The following KLHL22 variants were observed in gnomAD, a reference collection of about 807,000 sequenced individuals.
KLHL22 encodes the protein kelch like family member 22, also known as kelch-like protein 22.
Under a neutral mutation model 60.7 loss-of-function variants are expected in KLHL22, and 18 were observed. The ratio of observed to expected loss-of-function variants is 0.30; its 90% confidence interval spans 0.20 to 0.44. KLHL22 has a LOEUF of 0.44. Among genes scored for constraint, KLHL22 ranks in the 20% least tolerant of loss-of-function variants. The pLI, the probability that KLHL22 is intolerant of heterozygous loss-of-function variation, is 1.00. For missense variants in KLHL22, 596 were observed against 852.3 expected (o/e 0.70, Z 3.74); for synonymous variants, 355 against 354.5 (o/e 1.00, Z -0.01).
chr22:20,442,068 G>A lies in KLHL22; in HGVS notation c.*5C>T. 2 of 1,490,968 alleles carry A rather than the reference G, an allele frequency of 1.3e-6. No individual in the cohort carries two copies. The highest frequency in any genetic ancestry group is 1.8e-4 in the Middle Eastern group (1 of 5,498). 92.4% of individuals were successfully genotyped at this position (1,490,968 alleles called of 1,614,324 possible). The stretch of plus-strand genomic sequence containing the variant: ...CCCTTCCCTCTGATGCCAGGCACAG[G>A]GAGCCTAGTCCTCACTGGAGTTGTC... On this transcript the variant is annotated 3_prime_UTR_variant, in exon 7 of 7. Transcript: ENST00000328879.
At chr22:20,449,136 C>G (rs918355844) in intron 5 of KLHL22, among the ~76,000 whole-genome samples, 5 of 152,000 alleles carry the variant, frequency 3.3e-5, no homozygotes, top group Non-Finnish European at 7.4e-5. Flanking sequence ...TCTCAGCTCA[C>G]TGCACCCTCT....
At chr22:20,462,910 A>G (rs2053178595) in intron 4 of KLHL22, among the ~76,000 whole-genome samples, 2 of 152,354 alleles carry the variant, frequency 1.3e-5, no homozygotes, top group African/African-American at 4.8e-5. Context: ...GCTTTAAGAT[A>G]TAACCTGGTA....
At chr22:20,468,921 G>T (rs568747730) in intron 3 of KLHL22, among the ~76,000 whole-genome samples, 6 of 152,250 alleles carry the variant, frequency 3.9e-5, no homozygotes, top group African/African-American at 1.4e-4. Context: ...CTCCAAAAGT[G>T]CTGGGATTAC....
At chr22:20,483,869 A>G (rs2053544439) in intron 2 of KLHL22, 2 of 711,984 alleles carry the variant, frequency 2.8e-6, no homozygotes, top group Non-Finnish European at 5.1e-6. Context: ...TCTCCTTCTC[A>G]TTCTGGATGC....
At chr22:20,462,389 C>G (rs7285244) in intron 4 of KLHL22, among the ~76,000 whole-genome samples, 1,656 of 152,078 alleles carry the variant, frequency 0.011, 36 homozygotes, top group African/African-American at 0.037. Flanking sequence ...GGGTCTCACT[C>G]TGTTGCCCAG....
At chr22:20,468,949 C>A (rs1235479847) in intron 3 of KLHL22, among the ~76,000 whole-genome samples, 1 of 152,166 alleles carries the variant, frequency 6.6e-6, no homozygotes, top group Non-Finnish European at 1.5e-5. Context: ...AACCTCCAAG[C>A]CTGGCCCAGA....
chr22:20,449,352 G>GC (rs1424177753), intron 5 of KLHL22, among the ~76,000 whole-genome samples: 2 of 149,000 alleles, frequency 1.3e-5, no homozygotes. Flanking sequence ...GAGCCACCGT[G>GC]CCCGGCTTCT....
chr22:20,448,225 C>T (rs1000709606), intron 5 of KLHL22, among the ~76,000 whole-genome samples: 1 of 152,224 alleles, frequency 6.6e-6, no homozygotes, highest in Non-Finnish European at 1.5e-5. Context: ...GTTGCATGTA[C>T]AGGTTGAGTA....
At chr22:20,454,458 A>G (rs2146190931) in intron 5 of KLHL22, among the ~76,000 whole-genome samples, 1 of 152,368 alleles carries the variant, frequency 6.6e-6, no homozygotes, top group African/African-American at 2.4e-5. Context: ...CACAGTTTAT[A>G]AAGCATGAAT....
At chr22:20,486,964 A>G (rs1281539663) in intron 2 of KLHL22, among the ~76,000 whole-genome samples, 1 of 149,596 alleles carries the variant, frequency 6.7e-6, no homozygotes, top group Non-Finnish European at 1.5e-5. Flanking sequence ...TATAGGAGTG[A>G]GCCACCAAGC....
intron 3 of KLHL22, among the ~76,000 whole-genome samples, chr22:20,468,933 G>A (rs1296261513): frequency 6.6e-6 from 1 of 152,162 alleles, no homozygotes; most frequent in African/African-American, 2.4e-5. Flanking sequence ...TGGGATTACA[G>A]GCATGAACCT....
chr22:20,465,600 C>T lies in KLHL22; in HGVS notation c.394-24G>A, dbSNP rs1331364169. 1.7e-6 allele frequency: 2 copies of T among 1,150,474 alleles called. No individual in the cohort carries two copies. The highest frequency in any genetic ancestry group is 1.3e-6 in the Non-Finnish European group (1 of 757,226). 71.3% of individuals were successfully genotyped at this position (1,150,474 alleles called of 1,614,324 possible). A position where few individuals can be genotyped will look rare whatever the true frequency, so the allele number is the denominator to read the frequency against. On this transcript the variant is annotated intron_variant, in intron 3 of 6. Transcript: ENST00000328879. This position sits in a 1 kb window ranked among gnomAD's most constrained non-coding sequence, Gnocchi z 4.9. The stretch of plus-strand genomic sequence containing the variant: ...ATCTGCAGAGAGAATGACACCCATT[C>T]AAGCCTGGGCTGGTGAACAGCATCT...
intron 5 of KLHL22, among the ~76,000 whole-genome samples, chr22:20,452,246 G>A (rs1217362625): frequency 1.3e-4 from 19 of 151,450 alleles, no homozygotes; most frequent in Middle Eastern, 3.4e-3. Context: ...AAGTAAACTT[G>A]GTAAAATCCA....
At chr22:20,478,142 A>C (rs1053069149) in intron 2 of KLHL22, among the ~76,000 whole-genome samples, 2 of 152,182 alleles carry the variant, frequency 1.3e-5, no homozygotes, top group Non-Finnish European at 2.9e-5. Flanking sequence ...CAAAAGAAAA[A>C]TAAAATATAT....
chr22:20,486,843 A>G (rs879256584), intron 2 of KLHL22, among the ~76,000 whole-genome samples: 1 of 137,922 alleles, frequency 7.3e-6, no homozygotes. Flanking sequence ...TACCACGCCC[A>G]GCTAATTTTG....
chr22:20,466,226 T>C (rs921447868), intron 3 of KLHL22, among the ~76,000 whole-genome samples: 12 of 151,648 alleles, frequency 7.9e-5, no homozygotes, highest in Non-Finnish European at 1.3e-4. Context: ...ATACAAAAAT[T>C]AGCTGGGCGT....
chr22:20,479,776 G>A (rs781515626), intron 2 of KLHL22, among the ~76,000 whole-genome samples: 4 of 152,152 alleles, frequency 2.6e-5, no homozygotes, highest in East Asian at 1.9e-4. Context: ...GTGCACTGTT[G>A]GTGGGAATGA....
chr22:20,457,643 C>A (rs362087), intron 5 of KLHL22, 165 bp downstream of exon 5: 399,739 of 614,914 alleles, frequency 0.65, 130,988 homozygotes, highest in Admixed American at 0.77. Flanking sequence ...CTCATGGGGC[C>A]TCATCAATGC....
chr22:20,453,967 T>C lies in KLHL22; in HGVS notation c.1305+3841A>G, dbSNP rs1013903907. On this transcript the variant is annotated intron_variant, in intron 5 of 6. Transcript: ENST00000328879. ...CCAGGCTGGTCTTGAACTCCTGACC[T>C]CAAGCGATACACCATCCTCGGCCTC... 5.7e-4 allele frequency among the ~76,000 whole-genome samples: 87 copies of C among 152,158 alleles called. 1 individual carries two copies. The highest frequency in any genetic ancestry group is 1.5e-4 in the Non-Finnish European group (10 of 68,010).
Sources: gnomAD v4.1 joint callset for allele counts (sites outside exome capture counted in the v4.1 genomes callset) on GRCh38, gnomAD v4.1.1 for gene constraint, Gnocchi (gnomAD v3.1) non-coding constraint, MANE v1.5 for transcripts, NCBI Gene and HGNC (gene_info 2026-07-23, HGNC 2026-07-21) for gene names.